Variants in KCNAB1 observed in about 807,000 individuals in gnomAD.
KCNAB1 encodes voltage-gated potassium channel subunit beta-1.
A neutral mutation model predicts 64.6 loss-of-function variants in KCNAB1; 35 were observed. That is an observed-to-expected ratio of 0.54 (90% CI 0.41 to 0.72). The LOEUF is 0.72. KCNAB1 is among the 30% of genes least tolerant of loss of function. The probability of loss-of-function intolerance (pLI) is 0.00; values close to 1 mark genes in which losing one functional copy is unlikely to be tolerated. For synonymous variants in KCNAB1, 177 were observed against 183.8 expected, an observed-to-expected ratio of 0.96 and a Z score of 0.30; for missense variants, 401 against 512.9, an observed-to-expected ratio of 0.78 and a Z score of 2.11.
Position 156,190,867 on chromosome 3 carries a change from A to G in KCNAB1, c.275+69981A>G, listed in dbSNP as rs376405908. Reference sequence around the variant, plus strand: ...ACCACCGCGCCTGGCTAATTTTTATATTTTTAGTAGAGACAGGGTTTAGCC... The same window carrying G: ...ACCACCGCGCCTGGCTAATTTTTATGTTTTTAGTAGAGACAGGGTTTAGCC... On this transcript the variant is annotated intron_variant, in intron 1 of 13. Transcript: ENST00000490337. 3.9e-4 allele frequency among the ~76,000 whole-genome samples: 59 copies of G among 152,160 alleles called. 1 individual carries two copies. Among genetic ancestry groups the G allele is most frequent in the East Asian group, 3.3e-3 (17 of 5,168 alleles).
chr3:156,210,855 A>C (rs1343962408), intron 1 of KCNAB1, among the ~76,000 whole-genome samples: 1 of 152,134 alleles, frequency 6.6e-6, no homozygotes, highest in Non-Finnish European at 1.5e-5. Flanking sequence ...TCCACTTTCA[A>C]AGTTATTTTA....
intron 1 of KCNAB1, among the ~76,000 whole-genome samples, chr3:156,155,056 G>A (rs1301734649): frequency 2.0e-5 from 3 of 152,152 alleles, no homozygotes; most frequent in Non-Finnish European, 4.4e-5. Flanking sequence ...TCTTATACAA[G>A]ATGGAAAAAC....
chr3:156,322,890 A>G (rs1029589429), intron 1 of KCNAB1, among the ~76,000 whole-genome samples: 1 of 152,112 alleles, frequency 6.6e-6, no homozygotes, highest in African/African-American at 2.4e-5. Context: ...TCAGTTTTTA[A>G]GTCCACATAT....
At chr3:156,344,765 G>A (rs1054086198) in intron 1 of KCNAB1, among the ~76,000 whole-genome samples, 1 of 152,138 alleles carries the variant, frequency 6.6e-6, no homozygotes, top group Admixed American at 6.5e-5. Flanking sequence ...TAAACTGAGA[G>A]AATAGCATAC....
chr3:156,387,384 C>T (rs11926141), intron 1 of KCNAB1, among the ~76,000 whole-genome samples: 47,035 of 152,010 alleles, frequency 0.31, 9,666 homozygotes, highest in African/African-American at 0.59. Flanking sequence ...CAAGAGCAAA[C>T]AGAAAGTGAT....
Position 156,398,567 on chromosome 3 carries a change from T to TGG in KCNAB1, c.276-23047_276-23046dup, listed in dbSNP as rs548387566. ...GAGATCACGCCACTGCACTCCAACC[T>TGG]GGGCGACAGCGAGACTCCGTCTCAA... On this transcript the variant is annotated intron_variant, in intron 1 of 13. Coordinates refer to ENST00000490337, the MANE Select transcript of KCNAB1 (RefSeq NM_172160.3). 9.2e-3 allele frequency among the ~76,000 whole-genome samples: 1,149 copies of TGG among 124,778 alleles called. 18 individuals carry two copies. The highest frequency in any genetic ancestry group is 0.036 in the African/African-American group (1,093 of 30,422). The allele number at this position is 124,778 out of a possible 152,430, so 81.9% of individuals were successfully genotyped here. A position where few individuals can be genotyped will look rare whatever the true frequency, so the allele number is the denominator to read the frequency against.
intron 1 of KCNAB1, among the ~76,000 whole-genome samples, chr3:156,163,752 T>G (rs1232623257): frequency 6.6e-6 from 1 of 152,256 alleles, no homozygotes; most frequent in Admixed American, 6.5e-5. Flanking sequence ...CATAACCTTT[T>G]GCTGGGTGTA....
At chr3:156,178,676 T>G (rs1427183854) in intron 1 of KCNAB1, among the ~76,000 whole-genome samples, 2 of 152,144 alleles carry the variant, frequency 1.3e-5, no homozygotes, top group African/African-American at 2.4e-5. Flanking sequence ...AATGAATGCG[T>G]TTTTTTACTT....
At chr3:156,342,623 T>A (rs1037756171) in intron 1 of KCNAB1, among the ~76,000 whole-genome samples, 21 of 134,834 alleles carry the variant, frequency 1.6e-4, no homozygotes, top group Admixed American at 6.4e-4. Flanking sequence ...TTTTTTTTTT[T>A]ATTATACTCT....
upstream of KCNAB1, chr3:156,118,282 C>T (rs1713169556): frequency 4.4e-6 from 2 of 453,984 alleles, no homozygotes; most frequent in Non-Finnish European, 8.9e-6. Context: ...TCTGGAAACT[C>T]AGCTGGGGCT....
At chr3:156,368,811 AATGTT>A (rs1320695490) in intron 1 of KCNAB1, among the ~76,000 whole-genome samples, 2 of 152,336 alleles carry the variant, frequency 1.3e-5, no homozygotes, top group Admixed American at 6.5e-5. Flanking sequence ...ATGACCACTC[AATGTT>A]ATTCCATCTC....
intron 1 of KCNAB1, among the ~76,000 whole-genome samples, chr3:156,220,329 C>A (rs1715631417): frequency 6.6e-6 from 1 of 152,188 alleles, no homozygotes; most frequent in Non-Finnish European, 1.5e-5. Flanking sequence ...CTTACACTCC[C>A]ACCAACAGTG....
chr3:156,143,322 C>T (rs189942161), intron 1 of KCNAB1: 10 of 1,612,390 alleles, frequency 6.2e-6, no homozygotes, highest in Middle Eastern at 1.7e-4. Context: ...CTGTGAGGCC[C>T]AGTGGAGCAG....
intron 1 of KCNAB1, among the ~76,000 whole-genome samples, chr3:156,197,238 A>G (rs1714009780): frequency 6.6e-6 from 1 of 152,190 alleles, no homozygotes; most frequent in Non-Finnish European, 1.5e-5. Flanking sequence ...ATTGATGTTC[A>G]TCAGGGATAT....
intron 1 of KCNAB1, among the ~76,000 whole-genome samples, chr3:156,333,306 A>C (rs1723462787): frequency 6.7e-6 from 1 of 150,066 alleles, no homozygotes; most frequent in African/African-American, 2.5e-5. Context: ...ACCAGTATAC[A>C]AACGCACATA....
intron 2 of KCNAB1, among the ~76,000 whole-genome samples, chr3:156,422,539 T>C (rs80180820): frequency 0.023 from 3,433 of 152,280 alleles, 52 homozygotes; most frequent in African/African-American, 0.036. Flanking sequence ...GGATGAAGTA[T>C]GAGTAAATGA....
rs572183833 is a variant in KCNAB1, at chr3:156,175,864, C to T, written c.275+54978C>T. On this transcript the variant is annotated intron_variant, in intron 1 of 13. Transcript: ENST00000490337. The stretch of plus-strand genomic sequence containing the variant: ...AGCCTTGGAGTCTTCCATTCCATAT[C>T]CCAACAGTCTCTTGTCACTCGATGC... The T allele has an allele frequency of 2.9e-5, 21 of 714,738 alleles. No homozygotes were observed. In the African/African-American group the frequency reaches 3.7e-4, roughly 12 times the overall value. 44.3% of individuals were successfully genotyped at this position (714,738 alleles called of 1,614,324 possible).
At chr3:156,217,256 C>T (rs1378276938) in intron 1 of KCNAB1, among the ~76,000 whole-genome samples, 1 of 152,150 alleles carries the variant, frequency 6.6e-6, no homozygotes, top group Non-Finnish European at 1.5e-5. Flanking sequence ...AATTGCAATC[C>T]AGATGTTGTG....
Position 156,120,751 on chromosome 3 carries a change from T to G in KCNAB1, c.140T>G (p.Leu47Arg), listed in dbSNP as rs767044176. ...KASENAKDSSLSPSGESQLRA... is the reference protein window; with the variant it reads ...KASENAKDSSRSPSGESQLRA... ...TCAGAAAACGCTAAAGACAGCAGCC[T>G]TAGTCCCTCAGGGGAAAGCCAGCTC... The change falls in exon 1 of 14, where the codon CTT becomes CGT. Residue 47 changes from leucine (L) to arginine (R), a missense_variant. Transcript: ENST00000490337. The G allele has an allele frequency of 3.7e-5, 59 of 1,613,770 alleles. No homozygotes were observed. The highest frequency in any genetic ancestry group is 5.3e-5 in the African/African-American group (4 of 74,924).
Sources: allele counts gnomAD v4.1 joint callset (sites outside exome capture counted in the v4.1 genomes callset), GRCh38; gene constraint gnomAD v4.1.1; transcripts MANE v1.5; gene names NCBI Gene and HGNC (gene_info 2026-07-23, HGNC 2026-07-21).